Variants in RBFOX1 observed in about 807,000 individuals in gnomAD.
RBFOX1 encodes the protein RNA binding protein fox-1 homolog 1.
Under a neutral mutation model 57.7 loss-of-function variants are expected in RBFOX1, and 8 were observed. The ratio of observed to expected loss-of-function variants is 0.14; its 90% confidence interval spans 0.08 to 0.25. RBFOX1 has a LOEUF of 0.25. Ranked by LOEUF, RBFOX1 falls within the 10% of genes least tolerant of loss-of-function variation. The pLI is 1.00. For synonymous variants in RBFOX1, 326 were observed against 222.4 expected, an observed-to-expected ratio of 1.47 and a Z score of -4.15; for missense variants, 611 against 548.5, an observed-to-expected ratio of 1.11 and a Z score of -1.14.
At chr16:7,343,202 G>T (rs1163725368) in intron 4 of RBFOX1, among the ~76,000 whole-genome samples, 1 of 152,200 alleles carries the variant, frequency 6.6e-6, no homozygotes, top group Non-Finnish European at 1.5e-5. Context: ...AGTGCCCGGT[G>T]GCAAGGAGGA....
chr16:6,787,897 A>AAACTTCTC (rs1179285272), intron 3 of RBFOX1, among the ~76,000 whole-genome samples: 1 of 152,212 alleles, frequency 6.6e-6, no homozygotes, highest in Non-Finnish European at 1.5e-5. Flanking sequence ...TTTAATATTA[A>AAACTTCTC]TAGCCAATCT....
At chr16:6,779,051 C>A (rs2079884037) in intron 3 of RBFOX1, among the ~76,000 whole-genome samples, 1 of 151,960 alleles carries the variant, frequency 6.6e-6, no homozygotes. Context: ...TTGAAATATA[C>A]AATGCATTAT....
At position 7,628,425 on chromosome 16, in the gene RBFOX1, A is replaced by G. The variant is rs1360926873; in HGVS notation, c.677-2178A>G. Among the ~76,000 whole-genome samples, 3 of 152,116 alleles carry G rather than the reference A, an allele frequency of 2.0e-5. No individual in the cohort carries two copies. The East Asian group carries it at 5.8e-4, about 29-fold the overall frequency. ...GTCACACAGGAGTACTCATTGATAA[A>G]CACCACTGACTGTAGAGGGGACTAA... On this transcript the variant is annotated intron_variant, in intron 10 of 15. Coordinates refer to ENST00000550418, the MANE Select transcript of RBFOX1 (RefSeq NM_018723.4).
At chr16:7,556,273 C>G (rs928580586) in intron 5 of RBFOX1, among the ~76,000 whole-genome samples, 2 of 152,200 alleles carry the variant, frequency 1.3e-5, no homozygotes, top group African/African-American at 2.4e-5. Context: ...TCTCCCAACA[C>G]TACAGCTAGT....
At chr16:5,610,263 T>A (rs2047728191) in intron 3 of RBFOX1, 1 of 152,270 alleles carries the variant, frequency 6.6e-6, no homozygotes, top group South Asian at 2.1e-4. Context: ...CGCTACTTGT[T>A]GAAAGACTAG....
intron 1 of RBFOX1, among the ~76,000 whole-genome samples, chr16:6,170,007 G>C (rs531415124): frequency 6.6e-6 from 1 of 152,064 alleles, no homozygotes; most frequent in African/African-American, 2.4e-5. Context: ...GACCTTAAGC[G>C]ATCCACCCAC....
intron 2 of RBFOX1, among the ~76,000 whole-genome samples, chr16:6,440,167 C>T (rs1184888351): frequency 6.6e-6 from 1 of 151,848 alleles, no homozygotes; most frequent in Non-Finnish European, 1.5e-5. Flanking sequence ...GAACTCTTGA[C>T]CTCGTGATTC....
At chr16:7,391,420 C>T (rs1274072571) in intron 4 of RBFOX1, among the ~76,000 whole-genome samples, 1 of 152,176 alleles carries the variant, frequency 6.6e-6, no homozygotes, top group Admixed American at 6.5e-5. Context: ...CTCTTCGTTT[C>T]TCACCGCAAG....
intron 2 of RBFOX1, among the ~76,000 whole-genome samples, chr16:6,494,143 G>C (rs954472164): frequency 6.6e-6 from 1 of 152,116 alleles, no homozygotes; most frequent in Non-Finnish European, 1.5e-5. Context: ...TTCTCTAATG[G>C]TAATATTTTA....
chr16:7,436,946 T>C lies in RBFOX1; in HGVS notation c.28-81201T>C, dbSNP rs543811210. On this transcript the variant is annotated intron_variant, in intron 4 of 15. Transcript: ENST00000550418. ...AATAAATAAAAATAGCTGGTCATGG[T>C]GATACGCGCCTGTAATCCGAGCTAC... is the stretch of plus-strand genomic sequence containing the variant. 2.0e-4 allele frequency among the ~76,000 whole-genome samples: 31 copies of C among 152,164 alleles called. 1 individual carries two copies. The highest frequency in any genetic ancestry group is 4.0e-4 in the Non-Finnish European group (27 of 68,034).
chr16:7,330,510 T>TGTGTGTGTG (rs1568240374), intron 4 of RBFOX1, among the ~76,000 whole-genome samples: 3 of 57,172 alleles, frequency 5.2e-5, no homozygotes, highest in African/African-American at 2.0e-4. Flanking sequence ...GTGTGTGTGT[T>TGTGTGTGTG]TGTGTGTGTG....
At chr16:7,451,299 G>A (rs2098851652) in intron 4 of RBFOX1, among the ~76,000 whole-genome samples, 1 of 152,218 alleles carries the variant, frequency 6.6e-6, no homozygotes, top group South Asian at 2.1e-4. Context: ...TGCAAGGGAT[G>A]TCTTGAACGG....
intron 2 of RBFOX1, among the ~76,000 whole-genome samples, chr16:6,579,520 C>G (rs1199794328): frequency 1.3e-5 from 2 of 152,168 alleles, no homozygotes; most frequent in African/African-American, 2.4e-5. Flanking sequence ...CGAGTTCTCA[C>G]AAAACCTAAT....
chr16:5,404,148 G>A (rs918159250), intron 1 of RBFOX1, among the ~76,000 whole-genome samples: 5 of 151,922 alleles, frequency 3.3e-5, no homozygotes, highest in South Asian at 4.2e-4. Context: ...ACTTGGAGGG[G>A]TGAGGAGATA....
chr16:5,659,941 A>C (rs923484086), intron 3 of RBFOX1, among the ~76,000 whole-genome samples: 3 of 152,198 alleles, frequency 2.0e-5, no homozygotes, highest in Non-Finnish European at 4.4e-5. Context: ...TTAATGCATT[A>C]ATACAGAAGC....
intron 3 of RBFOX1, among the ~76,000 whole-genome samples, chr16:6,758,600 T>G (rs1007787008): frequency 2.6e-5 from 4 of 152,194 alleles, no homozygotes; most frequent in African/African-American, 9.7e-5. Flanking sequence ...CAACTACATT[T>G]GATTGATTCT....
At chr16:5,439,956 C>T (rs1285227049) in intron 1 of RBFOX1, among the ~76,000 whole-genome samples, 2 of 152,110 alleles carry the variant, frequency 1.3e-5, no homozygotes, top group African/African-American at 4.8e-5. Context: ...CTTGGAAGTG[C>T]CTTTATGCAG....
chr16:6,028,852 T>C (rs1381552200), intron 1 of RBFOX1, among the ~76,000 whole-genome samples: 1 of 152,190 alleles, frequency 6.6e-6, no homozygotes, highest in African/African-American at 2.4e-5. Flanking sequence ...TTGAGAAGAC[T>C]GAATTCCCTG....
chr16:6,116,495 G>A lies in RBFOX1; in HGVS notation c.-127+96503G>A, dbSNP rs139431497. 2.4e-3 allele frequency among the ~76,000 whole-genome samples: 365 copies of A among 152,314 alleles called. 4 individuals carry two copies. The highest frequency in any genetic ancestry group is 8.0e-3 in the African/African-American group (334 of 41,560). ...TAGGAAGATACTACCATGCATTGCAGTGGAGATTTTCTTACATGAATATGA... is the reference window on the plus strand; with the variant it reads ...TAGGAAGATACTACCATGCATTGCAATGGAGATTTTCTTACATGAATATGA... On this transcript the variant is annotated intron_variant, in intron 1 of 15. Coordinates refer to ENST00000550418, the MANE Select transcript of RBFOX1 (RefSeq NM_018723.4).
Sources: allele counts gnomAD v4.1 joint callset (sites outside exome capture counted in the v4.1 genomes callset), GRCh38; gene constraint gnomAD v4.1.1; transcripts MANE v1.5; gene names NCBI Gene and HGNC (gene_info 2026-07-23, HGNC 2026-07-21).